The following IKBKB variants were observed in gnomAD, a reference collection of about 807,000 sequenced individuals.
IKBKB encodes inhibitor of nuclear factor kappa B kinase subunit beta.
Under a neutral mutation model 113.6 loss-of-function variants are expected in IKBKB, and 42 were observed. That is an observed-to-expected ratio of 0.37 (90% CI 0.29 to 0.48). The LOEUF (loss-of-function observed/expected upper bound fraction) is 0.48, where lower values mean the gene tolerates loss of function less well. IKBKB is among the 20% of genes least tolerant of loss of function. The pLI, the probability that IKBKB is intolerant of heterozygous loss-of-function variation, is 0.99. For synonymous variants in IKBKB, 296 were observed against 361.3 expected, an observed-to-expected ratio of 0.82 and a Z score of 2.05; for missense variants, 673 against 939.7, an observed-to-expected ratio of 0.72 and a Z score of 3.71.
Position 42,317,740 on chromosome 8 carries a change from A to G in IKBKB, c.1209A>G (p.Pro403=). 1 of 1,613,288 alleles carries G rather than the reference A, an allele frequency of 6.2e-7. No individual in the cohort carries two copies. The highest frequency in any genetic ancestry group is 8.5e-7 in the Non-Finnish European group (1 of 1,179,218). Residue 403 remains proline (P), a synonymous_variant, in exon 12 of 22, where the codon CCA becomes CCG. Transcript: ENST00000520810. ...SKITYETQIS[P]RPQPESVSCI... The stretch of plus-strand genomic sequence containing the variant: ...TCACCTATGAGACTCAGATCTCCCC[A>G]CGGCCCCAACCTGAAAGTGTCAGCT...
chr8:42,309,174 A>G (rs2130566204), intron 8 of IKBKB, 149 bp downstream of exon 8: 2 of 828,532 alleles, frequency 2.4e-6, no homozygotes, highest in East Asian at 5.1e-5. Context: ...ACCTAGCACG[A>G]GTAGGGGAGT....
chr8:42,274,866 T>C (rs1163591483), intron 2 of IKBKB, among the ~76,000 whole-genome samples: 1 of 134,234 alleles, frequency 7.4e-6, no homozygotes, highest in Non-Finnish European at 1.6e-5. Context: ...ACGAGATCAG[T>C]TTTTTTTTGT....
In IKBKB at chr8:42,329,239, C is replaced by T. The variant is rs202035574; in HGVS notation, c.2205+25C>T. On this transcript the variant is annotated intron_variant, in intron 21 of 21. Coordinates refer to ENST00000520810, the MANE Select transcript of IKBKB (RefSeq NM_001556.3). ...GGTAACAGCTTGTGTGAGACTCCTG[C>T]GATTCCATGTCCTTTCTTTCTATGG... The T allele has an allele frequency of 1.0e-4, 158 of 1,539,156 alleles. 1 individual carries two copies. The South Asian group carries it at 1.9e-3, about 19-fold the overall frequency.
chr8:42,291,270 C>T (rs1217516617), intron 4 of IKBKB, among the ~76,000 whole-genome samples: 1 of 152,118 alleles, frequency 6.6e-6, no homozygotes, highest in Non-Finnish European at 1.5e-5. Context: ...TAACCTCCAT[C>T]TCCTGGGTCC....
At chr8:42,291,384 A>G (rs1316043790) in intron 4 of IKBKB, among the ~76,000 whole-genome samples, 1 of 152,134 alleles carries the variant, frequency 6.6e-6, no homozygotes, top group Non-Finnish European at 1.5e-5. Context: ...GTTTCGCCAC[A>G]TCAGCCAGGC....
At chr8:42,319,048 T>C (rs1819262986) in intron 13 of IKBKB, among the ~76,000 whole-genome samples, 1 of 152,232 alleles carries the variant, frequency 6.6e-6, no homozygotes, top group South Asian at 2.1e-4. Context: ...ATTGGCCTTT[T>C]GTGTCTTCCT....
At chr8:42,308,136 G>A (rs1486426362) in intron 7 of IKBKB, among the ~76,000 whole-genome samples, 3 of 152,146 alleles carry the variant, frequency 2.0e-5, no homozygotes, top group East Asian at 1.9e-4. Flanking sequence ...CACTTAATGC[G>A]TGTATTTGGT....
chr8:42,284,760 A>C (rs1184149040), intron 2 of IKBKB, among the ~76,000 whole-genome samples: 1 of 152,110 alleles, frequency 6.6e-6, no homozygotes, highest in Non-Finnish European at 1.5e-5. Context: ...TGAAACCTGA[A>C]AGCAAATTCA....
chr8:42,310,454 T>C (rs1336426091), intron 8 of IKBKB, among the ~76,000 whole-genome samples: 1 of 152,230 alleles, frequency 6.6e-6, no homozygotes, highest in Non-Finnish European at 1.5e-5. Flanking sequence ...ATTTGTTTAT[T>C]TGTACATTGA....
intron 2 of IKBKB, among the ~76,000 whole-genome samples, chr8:42,272,809 C>T (rs969579172): frequency 1.3e-5 from 2 of 151,774 alleles, no homozygotes; most frequent in Non-Finnish European, 1.5e-5. Context: ...CTTGGTGGCA[C>T]GTGCCTGTAG....
intron 9 of IKBKB, 56 bp downstream of exon 9, chr8:42,314,485 C>A: frequency 8.2e-7 from 1 of 1,214,202 alleles, no homozygotes; most frequent in Non-Finnish European, 1.2e-6. Flanking sequence ...TTTAGAAATA[C>A]AAGTCTTGGC....
intron 3 of IKBKB, among the ~76,000 whole-genome samples, 164 bp from the exon 4 acceptor site, chr8:42,289,992 C>A (rs1385848138): frequency 6.6e-6 from 1 of 152,150 alleles, no homozygotes; most frequent in Non-Finnish European, 1.5e-5. Flanking sequence ...GGGTGAGCGC[C>A]ACTGACCCAG....
At chr8:42,299,070 T>C (rs1324123360) in intron 5 of IKBKB, among the ~76,000 whole-genome samples, 2 of 151,224 alleles carry the variant, frequency 1.3e-5, no homozygotes, top group Non-Finnish European at 3.0e-5. Flanking sequence ...GTCATATCCA[T>C]GTCTGCCAGG....
At chr8:42,325,924 G>A in intron 19 of IKBKB, 46 bp from the exon 20 acceptor site, 2 of 1,611,328 alleles carry the variant, frequency 1.2e-6, no homozygotes, top group East Asian at 2.2e-5. Flanking sequence ...AATGCAAAAT[G>A]TGATTCATCA....
chr8:42,281,304 G>A (rs191059132), intron 2 of IKBKB, among the ~76,000 whole-genome samples: 5 of 152,304 alleles, frequency 3.3e-5, no homozygotes, highest in East Asian at 1.9e-4. Context: ...GTGAGGCTGC[G>A]GTCGTTTATT....
intron 5 of IKBKB, 36 bp downstream of exon 5, chr8:42,293,548 C>T (rs1471415650): frequency 6.2e-7 from 1 of 1,613,922 alleles, no homozygotes. Flanking sequence ...CCGTGTCCTT[C>T]AGGGAGAGTG....
intron 3 of IKBKB, 50 bp from the exon 4 acceptor site, chr8:42,290,106 G>A (rs1210916398): frequency 7.8e-7 from 1 of 1,288,530 alleles, no homozygotes; most frequent in African/African-American, 1.5e-5. Flanking sequence ...TGGTGGGGAT[G>A]GGTCTGGGCA....
At chr8:42,288,515 G>C (rs538754437) in intron 2 of IKBKB, 119 bp from the exon 3 acceptor site, 1 of 665,750 alleles carries the variant, frequency 1.5e-6, no homozygotes, top group African/African-American at 1.8e-5. Context: ...TGTGACCTTG[G>C]AGCACCAGGA....
intron 5 of IKBKB, among the ~76,000 whole-genome samples, chr8:42,303,095 G>GAA (rs1815689283): frequency 5.4e-5 from 7 of 129,326 alleles, no homozygotes; most frequent in South Asian, 3.0e-4. Context: ...GAGAGAATGA[G>GAA]AGAGAGAGAG....
Sources: gnomAD v4.1 joint callset for allele counts (sites outside exome capture counted in the v4.1 genomes callset) on GRCh38, gnomAD v4.1.1 for gene constraint, MANE v1.5 for transcripts, NCBI Gene and HGNC (gene_info 2026-07-23, HGNC 2026-07-21) for gene names.